Variants in SLC9A9 observed in about 807,000 individuals in gnomAD.
SLC9A9 encodes the protein solute carrier family 9 member A9, also known as sodium/hydrogen exchanger 9.
SLC9A9 carries 62 observed loss-of-function variants against 77.8 expected under a neutral mutation model. The ratio of observed to expected loss-of-function variants is 0.80; its 90% CI spans 0.65 to 0.98. The LOEUF (loss-of-function observed/expected upper bound fraction) is 0.98, where lower values mean the gene tolerates loss of function less well. Ranked by LOEUF, SLC9A9 falls within the 50% of genes least tolerant of loss-of-function variation. The pLI, the probability that SLC9A9 is intolerant of heterozygous loss-of-function variation, is 0.00. For missense variants in SLC9A9, 775 were observed against 774.9 expected, an observed-to-expected ratio of 1.00 and a Z score of 0.00; for synonymous variants, 320 against 283.5, an observed-to-expected ratio of 1.13 and a Z score of -1.29.
chr3:143,765,045 TTTTC>T (rs1192433740), intron 4 of SLC9A9, among the ~76,000 whole-genome samples: 27 of 150,964 alleles, frequency 1.8e-4, no homozygotes, highest in African/African-American at 5.1e-4. Context: ...TTCTCTTTCT[TTTTC>T]TTTCTTTCTT....
intron 5 of SLC9A9, among the ~76,000 whole-genome samples, chr3:143,656,208 A>G (rs1192755133): frequency 6.6e-6 from 1 of 152,238 alleles, no homozygotes; most frequent in Non-Finnish European, 1.5e-5. Context: ...TGTTAGGGTC[A>G]AACATAGGAT....
In SLC9A9 at chr3:143,677,250, G is replaced by A. The variant is rs950300298; in HGVS notation, c.649+15942C>T. Among the ~76,000 whole-genome samples the A allele has an allele frequency of 2.0e-5, 3 of 151,762 alleles. No individual in the cohort carries two copies. The South Asian group carries it at 6.2e-4, about 32-fold the overall frequency. ...AAAAGTTACACACAGATATGCATGG[G>A]GGTTATCTACACATAAATTTATAGG... On this transcript the variant is annotated intron_variant, in intron 5 of 15. Coordinates refer to ENST00000316549, the MANE Select transcript of SLC9A9 (RefSeq NM_173653.4).
At chr3:143,316,824 G>T (rs1045139786) in intron 14 of SLC9A9, among the ~76,000 whole-genome samples, 8 of 152,104 alleles carry the variant, frequency 5.3e-5, no homozygotes, top group Non-Finnish European at 4.4e-5. Flanking sequence ...TTTTACCAGG[G>T]TTACTGCATT....
chr3:143,748,781 G>A (rs1187132611), intron 4 of SLC9A9, among the ~76,000 whole-genome samples: 1 of 142,020 alleles, frequency 7.0e-6, no homozygotes, highest in Non-Finnish European at 1.5e-5. Context: ...TCGGCTCACT[G>A]CAAGCTCCGC....
chr3:143,494,211 C>T (rs931655428), intron 10 of SLC9A9, among the ~76,000 whole-genome samples: 1 of 152,214 alleles, frequency 6.6e-6, no homozygotes, highest in African/African-American at 2.4e-5. Flanking sequence ...ATCTAGCAAG[C>T]TTTGCATACC....
chr3:143,583,139 C>A (rs976466643), intron 6 of SLC9A9, among the ~76,000 whole-genome samples: 23 of 151,708 alleles, frequency 1.5e-4, no homozygotes, highest in African/African-American at 5.1e-4. Flanking sequence ...GGTGACAGAG[C>A]AAGACCTTGT....
intron 14 of SLC9A9, among the ~76,000 whole-genome samples, chr3:143,315,356 G>T (rs1466028227): frequency 6.6e-6 from 1 of 152,200 alleles, no homozygotes; most frequent in Non-Finnish European, 1.5e-5. Flanking sequence ...GCTGATGGGT[G>T]GTGAGGGCTC....
chr3:143,364,255 T>C (rs2108484792), intron 13 of SLC9A9, among the ~76,000 whole-genome samples: 1 of 152,262 alleles, frequency 6.6e-6, no homozygotes, highest in Middle Eastern at 3.4e-3. Context: ...AGTGAATTTT[T>C]TTTTGTGAGC....
intron 4 of SLC9A9, among the ~76,000 whole-genome samples, chr3:143,697,301 C>T (rs990402152): frequency 3.5e-4 from 53 of 152,112 alleles, no homozygotes; most frequent in African/African-American, 1.2e-3. Context: ...AAGTTAGATG[C>T]ATACAGCCTC....
intron 14 of SLC9A9, among the ~76,000 whole-genome samples, chr3:143,331,368 G>GCC (rs1217417760): frequency 1.1e-4 from 16 of 152,170 alleles, no homozygotes; most frequent in Non-Finnish European, 1.6e-4. Flanking sequence ...AAAGTATCCT[G>GCC]TGTAATATTA....
chr3:143,467,213 A>AAAAT, intron 11 of SLC9A9, 23 bp from the exon 12 acceptor site: 1 of 1,614,114 alleles, frequency 6.2e-7, no homozygotes, highest in Non-Finnish European at 8.5e-7. Context: ...ACCAAAGGAG[A>AAAAT]AAATAAATGC....
At chr3:143,792,962 C>A (rs184496794) in intron 4 of SLC9A9, among the ~76,000 whole-genome samples, 1 of 152,110 alleles carries the variant, frequency 6.6e-6, no homozygotes, top group African/African-American at 2.4e-5. Context: ...TCACTAGATA[C>A]GATTCTAAAA....
At chr3:143,703,643 A>T (rs1433370507) in intron 4 of SLC9A9, among the ~76,000 whole-genome samples, 1 of 152,146 alleles carries the variant, frequency 6.6e-6, no homozygotes, top group Non-Finnish European at 1.5e-5. Context: ...CAACCTAATG[A>T]TGTATCTTAA....
chr3:143,394,808 A>G (rs564444820), intron 12 of SLC9A9, among the ~76,000 whole-genome samples: 1 of 152,312 alleles, frequency 6.6e-6, no homozygotes, highest in Non-Finnish European at 1.5e-5. Flanking sequence ...TACACCAATA[A>G]CAGACAGAGA....
intron 5 of SLC9A9, among the ~76,000 whole-genome samples, chr3:143,688,381 G>A (rs1416694341): frequency 6.6e-6 from 1 of 152,094 alleles, no homozygotes; most frequent in African/African-American, 2.4e-5. Flanking sequence ...GAGTCACTCA[G>A]TAGAAGGCAA....
At chr3:143,291,711 A>AT (rs1243251522) in intron 14 of SLC9A9, among the ~76,000 whole-genome samples, 2 of 152,140 alleles carry the variant, frequency 1.3e-5, no homozygotes, top group South Asian at 2.1e-4. Context: ...GTCTTGAAAG[A>AT]TTTTTTGCAG....
At chr3:143,513,679 T>C (rs1161740753) in intron 9 of SLC9A9, among the ~76,000 whole-genome samples, 2 of 152,232 alleles carry the variant, frequency 1.3e-5, no homozygotes, top group Non-Finnish European at 2.9e-5. Context: ...GCAAAATGTA[T>C]TCCTTAAATA....
At chr3:143,492,946 A>G (rs895908838) in intron 11 of SLC9A9, among the ~76,000 whole-genome samples, 1 of 152,232 alleles carries the variant, frequency 6.6e-6, no homozygotes, top group Non-Finnish European at 1.5e-5. Flanking sequence ...AAGGTAGGAA[A>G]ATTAATTGAC....
chr3:143,323,897 T>C (rs2031497236), intron 14 of SLC9A9, among the ~76,000 whole-genome samples: 1 of 152,238 alleles, frequency 6.6e-6, no homozygotes, highest in Non-Finnish European at 1.5e-5. Flanking sequence ...AAATGGATTC[T>C]TGAAACTGGC....
Sources: allele counts gnomAD v4.1 joint callset (sites outside exome capture counted in the v4.1 genomes callset), GRCh38; gene constraint gnomAD v4.1.1; transcripts MANE v1.5; gene names NCBI Gene and HGNC (gene_info 2026-07-23, HGNC 2026-07-21).